The following TMEM71 variants were observed in gnomAD, a reference collection of about 807,000 sequenced individuals.
TMEM71 encodes transmembrane protein 71.
In TMEM71, 44 loss-of-function variants were observed where a neutral mutation model predicts 38.0. The ratio of observed to expected loss-of-function variants is 1.16; its 90% CI spans 0.91 to 1.49. The LOEUF is 1.49. Ranked by LOEUF, TMEM71 falls within the 40% of genes most tolerant of loss-of-function variation. TMEM71 has a pLI of 0.00. For missense variants in TMEM71, 367 were observed against 348.6 expected (o/e 1.05, Z -0.42); for synonymous variants, 133 against 122.5 (o/e 1.09, Z -0.56).
At chr8:132,717,506 T>G (rs1212406515) in intron 7 of TMEM71, among the ~76,000 whole-genome samples, 1 of 152,170 alleles carries the variant, frequency 6.6e-6, no homozygotes. Context: ...AACATCATTA[T>G]CCATCAGGGA....
At chr8:132,732,845 G>A (rs1827534941) in intron 5 of TMEM71, among the ~76,000 whole-genome samples, 1 of 152,156 alleles carries the variant, frequency 6.6e-6, no homozygotes, top group African/African-American at 2.4e-5. Flanking sequence ...AGAGGCCAGG[G>A]ATGCTATTAA....
chr8:132,742,131 G>A (rs1828076771), intron 5 of TMEM71, among the ~76,000 whole-genome samples: 1 of 152,200 alleles, frequency 6.6e-6, no homozygotes, highest in Admixed American at 6.5e-5. Flanking sequence ...TGACTATAGA[G>A]CAAGGATTAT....
chr8:132,763,591 C>A (rs1284567495), upstream of TMEM71, among the ~76,000 whole-genome samples: 2 of 152,200 alleles, frequency 1.3e-5, no homozygotes, highest in African/African-American at 2.4e-5. Context: ...ATAGAGGTCA[C>A]TATAGAATCT....
chr8:132,728,459 C>T (rs1827275449), intron 5 of TMEM71, among the ~76,000 whole-genome samples: 4 of 152,186 alleles, frequency 2.6e-5, no homozygotes, highest in Admixed American at 2.6e-4. Context: ...ACCCTCCCAC[C>T]AGATCCCTCT....
At chr8:132,775,621 G>A in the TMEM71 span, 45 of 343,560 alleles carry the variant, frequency 1.3e-4, no homozygotes, top group Admixed American at 2.4e-4. Flanking sequence ...CGGCCCGGCT[G>A]CTGTGCAGAG....
intron 5 of TMEM71, 93 bp downstream of exon 5, chr8:132,746,849 C>T (rs1322573956): frequency 2.9e-6 from 3 of 1,030,688 alleles, no homozygotes; most frequent in Non-Finnish European, 4.1e-6. Flanking sequence ...AAATGACTGT[C>T]ATCCCTGGAA....
chr8:132,727,924 A>G lies in TMEM71; in HGVS notation c.550T>C (p.Ser184Pro). Residue 184 changes from serine to proline, a missense_variant, in exon 6 of 10, where the codon TCT (serine) becomes CCT (proline). Coordinates refer to ENST00000677595, the MANE Select transcript of TMEM71 (RefSeq NM_001382403.1). ...TGGCTGGAAGAGGAGGTGATCACAG[A>G]CTCTGCATTCATCTTCCCTGACTCC... ...DWESGKMNAE[S>P]VITSSSSHII... 1 of 1,613,974 alleles carries G rather than the reference A, an allele frequency of 6.2e-7. No individual in the cohort carries two copies. The highest frequency in any genetic ancestry group is 8.5e-7 in the Non-Finnish European group (1 of 1,180,004).
intron 5 of TMEM71, among the ~76,000 whole-genome samples, chr8:132,729,595 C>T (rs1448252917): frequency 2.6e-5 from 4 of 152,128 alleles, no homozygotes; most frequent in Admixed American, 6.5e-5. Context: ...TATAGCTGAG[C>T]TCAAAAGAAG....
In TMEM71 at chr8:132,713,978, A is replaced by T; in HGVS notation, c.872+17T>A. ...CACCTTGGTCCAGACAATAATGATG[A>T]CACAGGCAACACTTACCGAGCACAG... is the stretch of plus-strand genomic sequence containing the variant. On this transcript the variant is annotated intron_variant, in intron 9 of 9. Transcript: ENST00000677595. The T allele has an allele frequency of 6.2e-7, 1 of 1,612,596 alleles. No homozygotes were observed. Among genetic ancestry groups the T allele is most frequent in the Non-Finnish European group, 8.5e-7 (1 of 1,178,822 alleles).
At chr8:132,720,568 T>A (rs1187406483) in intron 7 of TMEM71, among the ~76,000 whole-genome samples, 1 of 152,224 alleles carries the variant, frequency 6.6e-6, no homozygotes, top group Admixed American at 6.5e-5. Flanking sequence ...TCCACTTTTG[T>A]TCTTGTGGTC....
At chr8:132,713,478 G>A (rs10110952) in intron 9 of TMEM71, among the ~76,000 whole-genome samples, 4 of 151,830 alleles carry the variant, frequency 2.6e-5, no homozygotes, top group East Asian at 1.9e-4. Flanking sequence ...ACAGTCCATC[G>A]TGCAATAGGA....
At position 132,735,137 on chromosome 8, in the gene TMEM71, T is replaced by A. The variant is rs562550369; in HGVS notation, c.488-7151A>T. Among the ~76,000 whole-genome samples, 142 of 152,326 alleles carry A rather than the reference T, an allele frequency of 9.3e-4. 1 individual carries two copies. The highest frequency in any genetic ancestry group is 3.1e-3 in the African/African-American group (130 of 41,596). On this transcript the variant is annotated intron_variant, in intron 5 of 9. Transcript: ENST00000677595. ...GTGAATCCTCTGCTCTCTTTCAGTA[T>A]GACTCACAGGCTCTGGGAACACATC...
In TMEM71 at chr8:132,727,952, G is replaced by A. The variant is rs777221641; in HGVS notation, c.522C>T (p.Asp174=). 5 of 1,613,590 alleles carry A rather than the reference G, an allele frequency of 3.1e-6. No homozygotes were observed. The highest frequency in any genetic ancestry group is 4.2e-6 in the Non-Finnish European group (5 of 1,179,910). The stretch of plus-strand genomic sequence containing the variant: ...CTGCATTCATCTTCCCTGACTCCCA[G>A]TCATCAGTCAGAGAAGAACAGTCTA... ...DDLDCSSLTD[D]WESGKMNAES... The change falls in exon 6 of 10, where the codon GAC becomes GAT. Residue 174 remains aspartate (D), a synonymous_variant. Coordinates refer to ENST00000677595, the MANE Select transcript of TMEM71 (RefSeq NM_001382403.1).
At chr8:132,730,121 G>A (rs572030589) in intron 5 of TMEM71, among the ~76,000 whole-genome samples, 1 of 152,104 alleles carries the variant, frequency 6.6e-6, no homozygotes, top group Non-Finnish European at 1.5e-5. Context: ...ACCATGCCCA[G>A]CTAATTTTGT....
At chr8:132,743,444 G>C (rs975159803) in intron 5 of TMEM71, among the ~76,000 whole-genome samples, 2 of 152,014 alleles carry the variant, frequency 1.3e-5, no homozygotes, top group Non-Finnish European at 2.9e-5. Flanking sequence ...CCATTGCTGA[G>C]TACTCCCACC....
downstream of TMEM71, among the ~76,000 whole-genome samples, chr8:132,708,515 A>G (rs1261774805): frequency 6.6e-6 from 1 of 152,178 alleles, no homozygotes; most frequent in Non-Finnish European, 1.5e-5. Context: ...CATTAATCTC[A>G]GTTTCTGCAG....
intron 5 of TMEM71, among the ~76,000 whole-genome samples, chr8:132,741,400 G>C (rs1275533101): frequency 6.6e-6 from 1 of 152,136 alleles, no homozygotes; most frequent in East Asian, 1.9e-4. Context: ...AGAGATAAAA[G>C]AAAAGACACC....
Position 132,714,136 on chromosome 8 carries a change from T to G in TMEM71, c.814+18A>C. 6.2e-7 allele frequency: 1 copy of G among 1,610,624 alleles called. No individual in the cohort carries two copies. Among genetic ancestry groups the G allele is most frequent in the African/African-American group, 1.3e-5 (1 of 74,988 alleles). ...AAATACAGGCATCATTGCAGTAATC[T>G]GGGAAACAGTTACTTACAAGCTACA... On this transcript the variant is annotated intron_variant, in intron 8 of 9. Coordinates refer to ENST00000677595, the MANE Select transcript of TMEM71 (RefSeq NM_001382403.1).
chr8:132,710,946 G>A lies in TMEM71; in HGVS notation c.*21C>T, dbSNP rs200404282. The A allele has an allele frequency of 2.8e-3, 4,497 of 1,607,400 alleles. 12 individuals carry two copies. Among genetic ancestry groups the A allele is most frequent in the Non-Finnish European group, 3.6e-3 (4,264 of 1,175,732 alleles). On this transcript the variant is annotated 3_prime_UTR_variant, in exon 10 of 10. Transcript: ENST00000677595. ...GATATTCAGATGGAGGACATTCATCGAAGGCATTCCTAAATGGTTGTCAAA... is the reference window on the plus strand; with the variant it reads ...GATATTCAGATGGAGGACATTCATCAAAGGCATTCCTAAATGGTTGTCAAA...
Sources: allele counts gnomAD v4.1 joint callset (sites outside exome capture counted in the v4.1 genomes callset), GRCh38; gene constraint gnomAD v4.1.1; transcripts MANE v1.5; gene names NCBI Gene and HGNC (gene_info 2026-07-23, HGNC 2026-07-21).